ROBO1: variants seen among roughly 807,000 people sequenced by gnomAD.
ROBO1 encodes roundabout guidance receptor 1.
In ROBO1, 149 loss-of-function variants were observed where a neutral mutation model predicts 195.9. The ratio of observed to expected loss-of-function variants is 0.76; its 90% confidence interval spans 0.67 to 0.87. ROBO1 has a LOEUF of 0.87. Among genes scored for constraint, ROBO1 ranks in the 40% least tolerant of loss-of-function variants. The pLI is 0.00. For synonymous variants in ROBO1, 816 were observed against 733.2 expected (o/e 1.11, Z -1.82); for missense variants, 1,933 against 2,068.3 (o/e 0.93, Z 1.27).
chr3:78,799,147 T>C (rs544527893), intron 4 of ROBO1, among the ~76,000 whole-genome samples: 1 of 152,290 alleles, frequency 6.6e-6, no homozygotes, highest in East Asian at 1.9e-4. Flanking sequence ...AAACCCCTTT[T>C]GTAGGTGGGA....
At chr3:79,087,754 GA>G (rs1034060177) in intron 3 of ROBO1, among the ~76,000 whole-genome samples, 3 of 151,718 alleles carry the variant, frequency 2.0e-5, no homozygotes, top group African/African-American at 7.3e-5. Context: ...GAAAAATTTA[GA>G]AAAAAAGTCT....
At position 78,661,216 on chromosome 3, in the gene ROBO1, G is replaced by T; in HGVS notation, c.2134C>A (p.Arg712=). ...TCTCCGTGGTTGGCTCCAGATGGCCGATAGAGAATTTTATATCCTTGTATA... is the reference window on the plus strand; with the variant it reads ...TCTCCGTGGTTGGCTCCAGATGGCCTATAGAGAATTTTATATCCTTGTATA... ...QYIQGYKILY[R]PSGANHGESD... Residue 712 remains arginine, a synonymous_variant, in exon 16 of 31, where the codon CGG becomes AGG. Coordinates refer to ENST00000464233, the MANE Select transcript of ROBO1 (RefSeq NM_002941.4). The T allele has an allele frequency of 6.2e-7, 1 of 1,612,492 alleles. No individual in the cohort carries two copies. The highest frequency in any genetic ancestry group is 8.5e-7 in the Non-Finnish European group (1 of 1,179,202).
chr3:78,697,024 T>C (rs7624482), intron 8 of ROBO1, among the ~76,000 whole-genome samples: 45,637 of 148,492 alleles, frequency 0.31, 7,553 homozygotes, highest in African/African-American at 0.45. Flanking sequence ...AGAACCCCCC[T>C]GTCTCTCTCT....
At chr3:79,081,191 C>T (rs139161201) in intron 3 of ROBO1, among the ~76,000 whole-genome samples, 135 of 149,680 alleles carry the variant, frequency 9.0e-4, no homozygotes, top group East Asian at 3.3e-3. Flanking sequence ...TTTTTTTTTG[C>T]TTTCCTTAAA....
At chr3:79,232,629 A>C (rs1314145995) in intron 2 of ROBO1, among the ~76,000 whole-genome samples, 3 of 152,094 alleles carry the variant, frequency 2.0e-5, no homozygotes, top group East Asian at 3.9e-4. Context: ...AGAGAGAAAA[A>C]TAAATCCCAT....
intron 2 of ROBO1, among the ~76,000 whole-genome samples, chr3:79,505,751 A>T (rs1465480267): frequency 6.6e-6 from 1 of 152,216 alleles, no homozygotes; most frequent in Non-Finnish European, 1.5e-5. Flanking sequence ...ACAAATAATG[A>T]TAACATAAGG....
chr3:79,525,567 TA>T lies in ROBO1; in HGVS notation c.88+64256del, dbSNP rs937981305. ...ATATATATATATATAAATATATATATATTTTTTTTGGTATGTGTTTAGTGTC... is the reference window on the plus strand; with the variant it reads ...ATATATATATATATAAATATATATATTTTTTTTTGGTATGTGTTTAGTGTC... On this transcript the variant is annotated intron_variant, in intron 2 of 30. Coordinates refer to ENST00000464233, the MANE Select transcript of ROBO1 (RefSeq NM_002941.4). Among the ~76,000 whole-genome samples the T allele has an allele frequency of 3.6e-4, 53 of 147,488 alleles. 1 individual carries two copies. Among genetic ancestry groups the T allele is most frequent in the South Asian group, 2.1e-4 (1 of 4,760 alleles).
chr3:79,555,234 G>A (rs1942656331), intron 2 of ROBO1, among the ~76,000 whole-genome samples: 1 of 152,018 alleles, frequency 6.6e-6, no homozygotes, highest in African/African-American at 2.4e-5. Context: ...CATATTATTT[G>A]GTCAAGTCTC....
intron 2 of ROBO1, among the ~76,000 whole-genome samples, chr3:79,149,428 T>C (rs2080719042): frequency 6.6e-6 from 1 of 151,908 alleles, no homozygotes; most frequent in African/African-American, 2.4e-5. Flanking sequence ...TAATCATAGT[T>C]GTTTTATATT....
At chr3:78,818,924 T>A (rs1382244571) in intron 4 of ROBO1, among the ~76,000 whole-genome samples, 1 of 152,174 alleles carries the variant, frequency 6.6e-6, no homozygotes, top group East Asian at 1.9e-4. Flanking sequence ...ATAATTGTTC[T>A]ACCTTATTAT....
chr3:79,677,633 G>A (rs1946824685), intron 1 of ROBO1, among the ~76,000 whole-genome samples: 2 of 152,114 alleles, frequency 1.3e-5, no homozygotes. Context: ...TTTGGGTAGG[G>A]ACATGGGGCG....
At chr3:79,499,746 T>C (rs1939954982) in intron 2 of ROBO1, among the ~76,000 whole-genome samples, 8 of 152,226 alleles carry the variant, frequency 5.3e-5, no homozygotes, top group Admixed American at 5.2e-4. Flanking sequence ...CTTTTGTAGC[T>C]ACCAGTATCT....
At chr3:79,348,142 C>G (rs1032738119) in intron 2 of ROBO1, among the ~76,000 whole-genome samples, 4 of 146,458 alleles carry the variant, frequency 2.7e-5, no homozygotes, top group Non-Finnish European at 5.9e-5. Context: ...ACCCAGGAGG[C>G]AGAGTTTGCA....
At chr3:78,938,346 C>G (rs1178548445) in intron 4 of ROBO1, 1 of 424,190 alleles carries the variant, frequency 2.4e-6, no homozygotes, top group Non-Finnish European at 4.3e-6. Flanking sequence ...TTTAATAAAA[C>G]TTTCCAACAG....
chr3:79,113,668 G>A (rs974243439), intron 3 of ROBO1, among the ~76,000 whole-genome samples: 2 of 152,044 alleles, frequency 1.3e-5, no homozygotes, highest in African/African-American at 4.8e-5. Flanking sequence ...TTGGGAGGCT[G>A]AGGCAGGATA....
chr3:79,753,996 C>T (rs1378306750), intron 1 of ROBO1, among the ~76,000 whole-genome samples: 1 of 152,104 alleles, frequency 6.6e-6, no homozygotes, highest in Admixed American at 6.5e-5. Context: ...AAAAAGGACA[C>T]TATTTCATAA....
At chr3:79,217,351 G>T (rs1394266651) in intron 2 of ROBO1, among the ~76,000 whole-genome samples, 8 of 151,578 alleles carry the variant, frequency 5.3e-5, no homozygotes, top group Admixed American at 4.6e-4. Context: ...TGCCTTTATT[G>T]TAAGACAGAT....
chr3:79,237,182 G>A (rs1007079910), intron 2 of ROBO1, among the ~76,000 whole-genome samples: 5 of 152,078 alleles, frequency 3.3e-5, no homozygotes, highest in African/African-American at 9.7e-5. Flanking sequence ...TCTTGAAAGT[G>A]TAATAAAAGT....
At chr3:78,749,783 A>C (rs2082742502) in intron 4 of ROBO1, among the ~76,000 whole-genome samples, 1 of 152,306 alleles carries the variant, frequency 6.6e-6, no homozygotes, top group Admixed American at 6.5e-5. Flanking sequence ...TTCCCAGATA[A>C]ATCTTTTGAA....
Sources: allele counts gnomAD v4.1 joint callset (sites outside exome capture counted in the v4.1 genomes callset), GRCh38; gene constraint gnomAD v4.1.1; transcripts MANE v1.5; gene names NCBI Gene and HGNC (gene_info 2026-07-23, HGNC 2026-07-21).